The following PRKAR1A variants were observed in gnomAD, a reference collection of about 807,000 sequenced individuals.
The protein encoded by PRKAR1A is cAMP-dependent protein kinase type I-alpha regulatory subunit.
Under a neutral mutation model 52.0 loss-of-function variants are expected in PRKAR1A, and 3 were observed. The observed-to-expected ratio is 0.06, with a 90% CI of 0.03 to 0.15. The LOEUF is 0.15. Among genes scored for constraint, PRKAR1A ranks in the 10% least tolerant of loss-of-function variants. The pLI is 1.00. For synonymous variants in PRKAR1A, 188 were observed against 168.4 expected (o/e 1.12, Z -0.90); for missense variants, 240 against 477.4 (o/e 0.50, Z 4.63).
the PRKAR1A span, among the ~76,000 whole-genome samples, chr17:68,477,621 G>A: frequency 2.0e-5 from 3 of 151,338 alleles, no homozygotes; most frequent in African/African-American, 4.9e-5. Context: ...GGTTTTCTAC[G>A]CAGATGATTT....
chr17:68,530,175 A>C, intron 10 of PRKAR1A, 102 bp from the exon 11 acceptor site: 1 of 1,515,986 alleles, frequency 6.6e-7, no homozygotes. Flanking sequence ...TAATGAAATT[A>C]CTGATTGTCT....
At position 68,515,586 on chromosome 17, in the gene PRKAR1A, A is replaced by C; in HGVS notation, c.177+10A>C. The C allele has an allele frequency of 1.2e-6, 2 of 1,610,506 alleles. No individual in the cohort carries two copies. Among genetic ancestry groups the C allele is most frequent in the African/African-American group, 1.3e-5 (1 of 74,942 alleles). ...TGAGAGGTTGGAGAAGGTAAAAATA[A>C]ATGTGGGGAGATGATGAGGTGATTG... On this transcript the variant is annotated intron_variant, in intron 2 of 10. Transcript: ENST00000589228.
chr17:68,475,261 T>C, the PRKAR1A span, among the ~76,000 whole-genome samples: 3 of 152,244 alleles, frequency 2.0e-5, no homozygotes, highest in African/African-American at 7.2e-5. Flanking sequence ...AAGAATTTCC[T>C]TGGCATCAGG....
At chr17:68,519,197 C>T (rs150598619) in intron 2 of PRKAR1A, among the ~76,000 whole-genome samples, 52 of 152,192 alleles carry the variant, frequency 3.4e-4, no homozygotes, top group African/African-American at 1.2e-3. Context: ...GTAACAGCAC[C>T]CCACGCTCTG....
the PRKAR1A span, among the ~76,000 whole-genome samples, chr17:68,415,867 A>G: frequency 5.2e-3 from 797 of 152,296 alleles, 6 homozygotes; most frequent in African/African-American, 0.018. Flanking sequence ...TTTGCATGAA[A>G]TATCTTTTTC....
intron 11 of PRKAR1A, among the ~76,000 whole-genome samples, chr17:68,549,202 G>A (rs2143623188): frequency 6.6e-6 from 1 of 152,200 alleles, no homozygotes; most frequent in East Asian, 1.9e-4. Flanking sequence ...TTTAAAAAAT[G>A]AAAGGCATCC....
chr17:68,493,889 G>GC, the PRKAR1A span, among the ~76,000 whole-genome samples: 1 of 152,132 alleles, frequency 6.6e-6, no homozygotes, highest in Admixed American at 6.5e-5. Flanking sequence ...ACGGCACCTG[G>GC]CCCAACACGC....
At chr17:68,459,848 TA>T in the PRKAR1A span, among the ~76,000 whole-genome samples, 1 of 120,278 alleles carries the variant, frequency 8.3e-6, no homozygotes, top group East Asian at 2.1e-4. Flanking sequence ...ATTCAGGTTT[TA>T]ATTTTTTTTT....
chr17:68,528,026 T>C, intron 8 of PRKAR1A, 126 bp downstream of exon 8: 3 of 813,888 alleles, frequency 3.7e-6, no homozygotes, highest in Non-Finnish European at 6.3e-6. Flanking sequence ...ACAGAAGGGC[T>C]GAAAGTCCTT....
intron 11 of PRKAR1A, chr17:68,540,478 T>C (rs1483277152): frequency 8.5e-6 from 4 of 469,988 alleles, no homozygotes; most frequent in South Asian, 3.1e-5. Flanking sequence ...GAATTACTAG[T>C]CTTGTGTGTC....
chr17:68,477,084 G>T, the PRKAR1A span, among the ~76,000 whole-genome samples: 1 of 152,016 alleles, frequency 6.6e-6, no homozygotes, highest in Non-Finnish European at 1.5e-5. Flanking sequence ...CATTGTCTTG[G>T]TACAATAGAG....
intron 11 of PRKAR1A, chr17:68,541,519 A>C (rs2086293396): frequency 5.3e-6 from 1 of 189,536 alleles, no homozygotes; most frequent in Non-Finnish European, 1.1e-5. Context: ...TCACTCAGTC[A>C]GCTAGTGTGG....
the PRKAR1A span, chr17:68,421,766 C>T: frequency 1.2e-6 from 2 of 1,614,180 alleles, no homozygotes; most frequent in Non-Finnish European, 1.7e-6. Flanking sequence ...CTGAGGTGTG[C>T]TTCTCATCAT....
At chr17:68,549,577 T>G (rs1434991754) in intron 11 of PRKAR1A, among the ~76,000 whole-genome samples, 1 of 152,174 alleles carries the variant, frequency 6.6e-6, no homozygotes, top group Admixed American at 6.5e-5. Context: ...ACCTGGTGAT[T>G]TGTGGTGCGT....
At chr17:68,510,982 C>G (rs988574508), upstream of PRKAR1A, among the ~76,000 whole-genome samples, 1 of 152,114 alleles carries the variant, frequency 6.6e-6, no homozygotes, top group African/African-American at 2.4e-5. Flanking sequence ...TTAATAGCTA[C>G]ACTAAGAATT....
At chr17:68,549,894 C>T (rs190156766) in intron 11 of PRKAR1A, among the ~76,000 whole-genome samples, 111 of 152,184 alleles carry the variant, frequency 7.3e-4, no homozygotes, top group South Asian at 5.2e-3. Flanking sequence ...ATTTTAGTAC[C>T]CTATATGTCT....
At chr17:68,481,170 T>C in the PRKAR1A span, among the ~76,000 whole-genome samples, 669 of 152,324 alleles carry the variant, frequency 4.4e-3, 5 homozygotes, top group African/African-American at 0.015. Context: ...TTCCCTTTCC[T>C]CTTTGAAAGC....
chr17:68,512,261 T>G (rs914132442), upstream of PRKAR1A: 1 of 150,782 alleles, frequency 6.6e-6, no homozygotes, highest in African/African-American at 2.4e-5. Flanking sequence ...ATGGAAAGAA[T>G]GGCGGAAGAC....
At chr17:68,482,582 A>G in the PRKAR1A span, among the ~76,000 whole-genome samples, 1 of 152,194 alleles carries the variant, frequency 6.6e-6, no homozygotes, top group African/African-American at 2.4e-5. Flanking sequence ...CAAGTTTTGT[A>G]CTTCCTTCAC....
Sources: allele counts gnomAD v4.1 joint callset (sites outside exome capture counted in the v4.1 genomes callset), GRCh38; gene constraint gnomAD v4.1.1; transcripts MANE v1.5; gene names NCBI Gene and HGNC (gene_info 2026-07-23, HGNC 2026-07-21).